LANCL1: variants seen among roughly 807,000 people sequenced by gnomAD.
LANCL1 encodes the protein glutathione S-transferase LANCL1.
A neutral mutation model predicts 50.6 loss-of-function variants in LANCL1; 50 were observed. The observed-to-expected ratio is 0.99, with a 90% CI of 0.79 to 1.25. The LOEUF (loss-of-function observed/expected upper bound fraction) is 1.25. Among genes scored for constraint, LANCL1 ranks in the 50% most tolerant of loss-of-function variants. The pLI, the probability that LANCL1 is intolerant of heterozygous loss-of-function variation, is 0.00. For synonymous variants in LANCL1, 188 were observed against 178.6 expected, an observed-to-expected ratio of 1.05 and a Z score of -0.42; for missense variants, 532 against 480.7, an observed-to-expected ratio of 1.11 and a Z score of -1.00.
intron 6 of LANCL1, among the ~76,000 whole-genome samples, chr2:210,440,101 GA>G (rs1306560141): frequency 6.6e-5 from 10 of 152,188 alleles, no homozygotes; most frequent in Non-Finnish European, 2.9e-5. Context: ...CTGTAGGGCA[GA>G]GCATATTCAG....
intron 4 of LANCL1, among the ~76,000 whole-genome samples, chr2:210,443,730 C>T (rs1451354575): frequency 6.6e-6 from 1 of 152,140 alleles, no homozygotes; most frequent in Non-Finnish European, 1.5e-5. Context: ...CCCTCCAACC[C>T]CCGCCCCAAA....
intron 2 of LANCL1, among the ~76,000 whole-genome samples, chr2:210,472,444 G>A (rs746656755): frequency 2.6e-5 from 4 of 151,830 alleles, no homozygotes; most frequent in Admixed American, 6.6e-5. Context: ...TCAAACTACT[G>A]GATTTTTAGT....
At chr2:210,455,487 C>G (rs953364698) in intron 3 of LANCL1, among the ~76,000 whole-genome samples, 173 bp from the exon 4 acceptor site, 1 of 152,134 alleles carries the variant, frequency 6.6e-6, no homozygotes, top group Non-Finnish European at 1.5e-5. Flanking sequence ...AGCAACTCTA[C>G]GAACCAGCAT....
intron 6 of LANCL1, among the ~76,000 whole-genome samples, chr2:210,438,145 T>G (rs1323858207): frequency 6.7e-6 from 1 of 149,766 alleles, no homozygotes; most frequent in Non-Finnish European, 1.5e-5. Context: ...TTTTTTTTTT[T>G]TTTTTTGAGA....
chr2:210,445,970 A>G (rs1485220155), intron 4 of LANCL1, among the ~76,000 whole-genome samples: 1 of 152,224 alleles, frequency 6.6e-6, no homozygotes, highest in African/African-American at 2.4e-5. Context: ...TCAGGGAATT[A>G]CAGATAAAAC....
intron 3 of LANCL1, among the ~76,000 whole-genome samples, chr2:210,463,285 A>C (rs1693930100): frequency 6.6e-6 from 1 of 151,946 alleles, no homozygotes; most frequent in Admixed American, 6.6e-5. Flanking sequence ...ATTTTGGCTC[A>C]CTGCAACCTC....
chr2:210,435,893 C>CTTTTTTTTT (rs71043994), intron 8 of LANCL1, among the ~76,000 whole-genome samples: 8 of 64,264 alleles, frequency 1.2e-4, no homozygotes, highest in Non-Finnish European at 2.1e-4. Flanking sequence ...GGGAGACCTG[C>CTTTTTTTTT]TTTTTTTTTT....
intron 2 of LANCL1, among the ~76,000 whole-genome samples, chr2:210,473,058 G>A (rs1377711832): frequency 1.3e-5 from 2 of 152,070 alleles, no homozygotes; most frequent in African/African-American, 4.8e-5. Flanking sequence ...TTAAACTTCT[G>A]CACACACTGA....
intron 4 of LANCL1, among the ~76,000 whole-genome samples, chr2:210,452,469 A>C (rs1268733395): frequency 1.3e-5 from 2 of 152,172 alleles, no homozygotes; most frequent in Non-Finnish European, 2.9e-5. Context: ...GCAGTAGAAC[A>C]AATTAATGCA....
In LANCL1 at chr2:210,434,349, A is replaced by T. The variant is rs1692846376; in HGVS notation, c.*138T>A. Reference sequence around the variant, plus strand: ...ATAATGGAAGGGAACTGAATGAAAGATAAATTCTGAAAAAAGCTAACAAAA... The same window carrying T: ...ATAATGGAAGGGAACTGAATGAAAGTTAAATTCTGAAAAAAGCTAACAAAA... On this transcript the variant is annotated 3_prime_UTR_variant, in exon 10 of 10. Coordinates refer to ENST00000450366, the MANE Select transcript of LANCL1 (RefSeq NM_006055.3). The T allele has an allele frequency of 1.6e-6, 1 of 620,582 alleles. No homozygotes were observed. Among genetic ancestry groups the T allele is most frequent in the Non-Finnish European group, 2.8e-6 (1 of 353,712 alleles). The allele number at this position is 620,582 out of a possible 1,614,324, so 38.4% of individuals were successfully genotyped here.
chr2:210,434,622 G>T, intron 9 of LANCL1, 59 bp from the exon 10 acceptor site: 1 of 1,354,230 alleles, frequency 7.4e-7, no homozygotes, highest in Non-Finnish European at 1.1e-6. Context: ...TCATAGGATG[G>T]TTCTTTTTCC....
intron 2 of LANCL1, 133 bp downstream of exon 2, chr2:210,476,183 A>G: frequency 1.7e-6 from 1 of 575,450 alleles, no homozygotes. Flanking sequence ...GTATTTTTAA[A>G]TAATTTACGT....
At chr2:210,469,160 GT>G (rs1694153289) in intron 3 of LANCL1, 1 of 152,174 alleles carries the variant, frequency 6.6e-6, no homozygotes, top group Non-Finnish European at 1.5e-5. Flanking sequence ...ATATAATTAT[GT>G]AAACATTGCT....
intron 2 of LANCL1, among the ~76,000 whole-genome samples, chr2:210,472,945 GT>G (rs1442488389): frequency 6.6e-6 from 1 of 152,218 alleles, no homozygotes; most frequent in Non-Finnish European, 1.5e-5. Flanking sequence ...GGCTGGGGCT[GT>G]GGGGTTAGTA....
chr2:210,476,880 T>G, upstream of LANCL1: 2 of 884,722 alleles, frequency 2.3e-6, no homozygotes, highest in Non-Finnish European at 1.4e-6. Flanking sequence ...GCAGGGTATT[T>G]TAATTACTGG....
chr2:210,468,827 T>G (rs760649822), intron 3 of LANCL1: 1 of 152,208 alleles, frequency 6.6e-6, no homozygotes, highest in Non-Finnish European at 1.5e-5. Context: ...AGGCCTGGAC[T>G]GACCAACTCT....
At chr2:210,465,863 A>G (rs150634475) in intron 3 of LANCL1, among the ~76,000 whole-genome samples, 102 of 152,174 alleles carry the variant, frequency 6.7e-4, no homozygotes, top group South Asian at 1.5e-3. Flanking sequence ...CTGGGGGGGG[A>G]AAAGCCACAA....
chr2:210,437,991 T>C (rs1692994136), intron 6 of LANCL1, 119 bp from the exon 7 acceptor site: 3 of 637,220 alleles, frequency 4.7e-6, no homozygotes, highest in South Asian at 4.0e-5. Flanking sequence ...TTAAGAGGTT[T>C]TGGATTTCAT....
intron 3 of LANCL1, among the ~76,000 whole-genome samples, chr2:210,457,134 T>C (rs1311184772): frequency 1.3e-5 from 2 of 152,194 alleles, no homozygotes; most frequent in Non-Finnish European, 2.9e-5. Flanking sequence ...GATGATAGTT[T>C]ACTGTGTCTA....
Sources: gnomAD v4.1 joint callset for allele counts (sites outside exome capture counted in the v4.1 genomes callset) on GRCh38, gnomAD v4.1.1 for gene constraint, MANE v1.5 for transcripts, NCBI Gene and HGNC (gene_info 2026-07-23, HGNC 2026-07-21) for gene names.